KDM2A: variants seen among roughly 807,000 people sequenced by gnomAD.
The protein encoded by KDM2A is lysine demethylase 2A, also known as lysine-specific demethylase 2A.
In KDM2A, 3 loss-of-function variants were observed where a neutral mutation model predicts 137.3. That is an observed-to-expected ratio of 0.02 (90% CI 0.01 to 0.06). The LOEUF (loss-of-function observed/expected upper bound fraction) is 0.06. Ranked by LOEUF, KDM2A falls within the 10% of genes least tolerant of loss-of-function variation. The pLI is 1.00. For synonymous variants in KDM2A, 512 were observed against 541.5 expected (o/e 0.95, Z 0.76); for missense variants, 738 against 1,510.6 (o/e 0.49, Z 8.48).
chr11:67,162,767 G>A (rs1383037036), intron 2 of KDM2A, among the ~76,000 whole-genome samples: 1 of 152,090 alleles, frequency 6.6e-6, no homozygotes, highest in Non-Finnish European at 1.5e-5. Context: ...AGGCTAGAGT[G>A]CAGTGGTGTG....
chr11:67,250,607 A>G lies in KDM2A; in HGVS notation c.2577A>G (p.Glu859=), dbSNP rs899484640. 3.3e-5 allele frequency: 53 copies of G among 1,611,154 alleles called. No individual in the cohort carries two copies. The highest frequency in any genetic ancestry group is 6.7e-5 in the African/African-American group (5 of 74,794). ...DEEGLGGEEE[E]EEEEEEEDDS... ...AGGGGCTGGGGGGAGAGGAGGAGGA[A>G]GAGGAGGAGGAGGAGGAGGAAGATG... is the stretch of plus-strand genomic sequence containing the variant. The change falls in exon 17 of 21, where the codon GAA becomes GAG. Residue 859 remains glutamate, a synonymous_variant. Transcript: ENST00000529006. This position sits in a 1 kb window ranked among gnomAD's most constrained non-coding sequence, Gnocchi z 7.1.
intron 5 of KDM2A, among the ~76,000 whole-genome samples, chr11:67,184,609 A>G (rs1384842893): frequency 1.3e-5 from 2 of 152,208 alleles, no homozygotes; most frequent in African/African-American, 2.4e-5. Flanking sequence ...CCTGGGTGAC[A>G]GAGCGAGACT....
At chr11:67,210,898 T>C (rs1392556834) in intron 6 of KDM2A, among the ~76,000 whole-genome samples, 1 of 152,016 alleles carries the variant, frequency 6.6e-6, no homozygotes, top group Non-Finnish European at 1.5e-5. Flanking sequence ...TCCCAGCACT[T>C]CAGGAGGCCA....
chr11:67,253,874 G>C (rs1192826632), intron 19 of KDM2A, among the ~76,000 whole-genome samples: 1 of 152,204 alleles, frequency 6.6e-6, no homozygotes, highest in Non-Finnish European at 1.5e-5. Flanking sequence ...AGTCTGAGAA[G>C]GCTTTATGGT....
chr11:67,252,039 G>T (rs773520453), intron 17 of KDM2A, among the ~76,000 whole-genome samples: 2 of 152,188 alleles, frequency 1.3e-5, no homozygotes, highest in Non-Finnish European at 2.9e-5. Flanking sequence ...TTTGTGGCCT[G>T]TAGATTTGTA....
chr11:67,201,201 A>G (rs1419196824), intron 5 of KDM2A, among the ~76,000 whole-genome samples: 3 of 83,820 alleles, frequency 3.6e-5, no homozygotes, highest in Non-Finnish European at 7.4e-5. Context: ...CTCAAAAAAA[A>G]AAATATATAT....
chr11:67,235,974 A>G (rs1206142415), intron 12 of KDM2A, among the ~76,000 whole-genome samples: 1 of 152,190 alleles, frequency 6.6e-6, no homozygotes, highest in Non-Finnish European at 1.5e-5. Context: ...TATGTTGAAT[A>G]AAAAGGTAGG....
intron 2 of KDM2A, chr11:67,131,967 CTCTG>C (rs1391759228): frequency 1.3e-5 from 2 of 152,064 alleles, no homozygotes; most frequent in Non-Finnish European, 2.9e-5. Context: ...TGGGGTTTTT[CTCTG>C]TCTGTGAGTA....
intron 5 of KDM2A, chr11:67,196,499 T>G (rs1404451867): frequency 4.4e-6 from 2 of 455,786 alleles, no homozygotes; most frequent in African/African-American, 4.0e-5. Flanking sequence ...CAGTGAATAC[T>G]TTAGCATAAT....
chr11:67,176,771 A>G (rs1856979756), intron 2 of KDM2A, among the ~76,000 whole-genome samples: 1 of 152,188 alleles, frequency 6.6e-6, no homozygotes, highest in African/African-American at 2.4e-5. Flanking sequence ...GAAAAGGTAC[A>G]GTGAAAATAT....
chr11:67,194,506 CATT>C lies in KDM2A; in HGVS notation c.307+12617_307+12619del, dbSNP rs1396490943. Among the ~76,000 whole-genome samples the C allele has an allele frequency of 5.9e-5, 9 of 152,200 alleles. No individual in the cohort carries two copies. The South Asian group carries it at 6.2e-4, about 11-fold the overall frequency. On this transcript the variant is annotated intron_variant, in intron 5 of 20. Coordinates refer to ENST00000529006, the MANE Select transcript of KDM2A (RefSeq NM_012308.3). ...TTATATATACTGTGGACCCTGAAAA[CATT>C]ATCCCTGCATTATTGAGTAAATCAT...
At chr11:67,133,591 C>T (rs1447966050) in intron 2 of KDM2A, among the ~76,000 whole-genome samples, 9 of 150,656 alleles carry the variant, frequency 6.0e-5, no homozygotes, top group Non-Finnish European at 1.2e-4. Context: ...TTAGTAGAGA[C>T]GGGGTTTTGC....
intron 11 of KDM2A, 63 bp downstream of exon 11, chr11:67,228,226 T>C: frequency 6.5e-7 from 1 of 1,535,390 alleles, no homozygotes; most frequent in Non-Finnish European, 8.9e-7. Flanking sequence ...AGGCCCGAAA[T>C]ACTCAGTAGG....
At chr11:67,230,333 C>T (rs1393073121) in intron 11 of KDM2A, among the ~76,000 whole-genome samples, 2 of 152,136 alleles carry the variant, frequency 1.3e-5, no homozygotes, top group Non-Finnish European at 2.9e-5. Flanking sequence ...AAGTAACCAA[C>T]AAAACACATA....
rs889885590 is a variant in KDM2A at position 67,212,883 on chromosome 11, T to TA, written c.487-2454dup. On this transcript the variant is annotated intron_variant, in intron 6 of 20. Transcript: ENST00000529006. ...GCAAGTACTTTATTCATTATTCTGTTAAAGGCATTCCCATGGACAACACAC... is the reference window on the plus strand; with the variant it reads ...GCAAGTACTTTATTCATTATTCTGTTAAAAGGCATTCCCATGGACAACACAC... 2.4e-4 allele frequency among the ~76,000 whole-genome samples: 37 copies of TA among 152,280 alleles called. 1 individual carries two copies. Among genetic ancestry groups the TA allele is most frequent in the African/African-American group, 8.7e-4 (36 of 41,560 alleles).
At chr11:67,214,273 C>T (rs916465361) in intron 6 of KDM2A, among the ~76,000 whole-genome samples, 1 of 147,216 alleles carries the variant, frequency 6.8e-6, no homozygotes, top group Non-Finnish European at 1.5e-5. Flanking sequence ...GGCGCAATCT[C>T]GGCTCACTGC....
intron 12 of KDM2A, chr11:67,240,364 C>G (rs1479102494): frequency 1.4e-5 from 22 of 1,534,798 alleles, no homozygotes; most frequent in Non-Finnish European, 1.8e-5. Context: ...CGACGGGAAA[C>G]GAAAGGTCAG....
intron 2 of KDM2A, among the ~76,000 whole-genome samples, chr11:67,148,509 C>G (rs537293489): frequency 6.6e-6 from 1 of 151,918 alleles, no homozygotes. Context: ...CCATCAGAAA[C>G]AAGTAATCCG....
chr11:67,199,306 G>A (rs1242742126), intron 5 of KDM2A, among the ~76,000 whole-genome samples: 2 of 152,134 alleles, frequency 1.3e-5, no homozygotes, highest in Non-Finnish European at 2.9e-5. Context: ...GTGAAAGGAA[G>A]AGTCCCACCT....
Sources: allele counts gnomAD v4.1 joint callset (sites outside exome capture counted in the v4.1 genomes callset), GRCh38; gene constraint gnomAD v4.1.1; non-coding constraint Gnocchi (gnomAD v3.1); transcripts MANE v1.5; gene names NCBI Gene and HGNC (gene_info 2026-07-23, HGNC 2026-07-21).